TTC19: variants seen among roughly 807,000 people sequenced by gnomAD.
TTC19 encodes the protein tetratricopeptide repeat protein 19, mitochondrial.
TTC19 carries 38 observed loss-of-function variants against 49.5 expected under a neutral mutation model. The observed-to-expected ratio is 0.77, with a 90% confidence interval of 0.59 to 1.01. The LOEUF is 1.01. Ranked by LOEUF, TTC19 falls within the 50% of genes least tolerant of loss-of-function variation. The pLI is 0.00. For synonymous variants in TTC19, 204 were observed against 185.2 expected, an observed-to-expected ratio of 1.10 and a Z score of -0.83; for missense variants, 475 against 477.7, an observed-to-expected ratio of 0.99 and a Z score of 0.05.
At chr17:16,042,204 G>A (rs2057840683) in intron 2 of TTC19, among the ~76,000 whole-genome samples, 1 of 152,206 alleles carries the variant, frequency 6.6e-6, no homozygotes, top group Non-Finnish European at 1.5e-5. Context: ...AATGGCCATG[G>A]ATGACAGTCT....
intron 7 of TTC19, among the ~76,000 whole-genome samples, chr17:16,021,785 T>C (rs189445103): frequency 6.6e-6 from 1 of 152,356 alleles, no homozygotes; most frequent in African/African-American, 2.4e-5. Flanking sequence ...TACTGTCTGC[T>C]GATTCTCATT....
At chr17:16,011,272 C>T in intron 7 of TTC19, among the ~76,000 whole-genome samples, 1 of 152,190 alleles carries the variant, frequency 6.6e-6, no homozygotes, top group East Asian at 1.9e-4. Context: ...GCTCCACCTC[C>T]TGGGTTCAAG....
intron 2 of TTC19, chr17:16,041,258 A>C (rs2057510368): frequency 6.6e-6 from 1 of 152,250 alleles, no homozygotes; most frequent in Non-Finnish European, 1.5e-5. Context: ...CCTATAATAA[A>C]GCAGTGTGCC....
intron 2 of TTC19, chr17:16,040,282 G>C (rs1271210223): frequency 1.4e-6 from 1 of 710,096 alleles, no homozygotes; most frequent in Admixed American, 2.0e-5. Context: ...GTTCCTTTCT[G>C]TGCTACTGGG....
At chr17:16,026,227 A>G (rs1343438164) in intron 8 of TTC19, among the ~76,000 whole-genome samples, 2 of 152,214 alleles carry the variant, frequency 1.3e-5, no homozygotes, top group Non-Finnish European at 2.9e-5. Flanking sequence ...AAAGGAGATA[A>G]TATGTGTAGC....
downstream of TTC19, chr17:16,029,535 T>C: frequency 3.8e-6 from 1 of 262,300 alleles, no homozygotes; most frequent in East Asian, 9.7e-5. Context: ...AATACTTTTA[T>C]GAAGAGTATT....
chr17:16,044,497 C>G (rs1323493469), intron 2 of TTC19: 1 of 479,416 alleles, frequency 2.1e-6, no homozygotes, highest in Admixed American at 2.3e-5. Context: ...ATCGTCCTTT[C>G]CTCAGCTGCC....
At chr17:16,038,878 C>A (rs2056994248) in intron 2 of TTC19, among the ~76,000 whole-genome samples, 2 of 152,208 alleles carry the variant, frequency 1.3e-5, no homozygotes, top group Non-Finnish European at 2.9e-5. Flanking sequence ...TCAAGCAATT[C>A]TCCTGCCTCA....
intron 9 of TTC19, 109 bp from the exon 10 acceptor site, chr17:16,027,265 A>G (rs566810575): frequency 7.5e-7 from 1 of 1,326,588 alleles, no homozygotes; most frequent in Non-Finnish European, 1.1e-6. Flanking sequence ...TTGTCGCTTC[A>G]TAAGCACACA....
intron 7 of TTC19, among the ~76,000 whole-genome samples, chr17:16,018,105 G>A (rs9899002): frequency 0.43 from 65,369 of 151,950 alleles, 15,707 homozygotes; most frequent in Middle Eastern, 0.57. Flanking sequence ...AGACTTAGTG[G>A]AATTTATTGC....
At chr17:16,002,304 G>T (rs1014100796) in intron 3 of TTC19, among the ~76,000 whole-genome samples, 1 of 152,002 alleles carries the variant, frequency 6.6e-6, no homozygotes, top group Admixed American at 6.6e-5. Context: ...TCACCCTCCC[G>T]AGTAGCTGGA....
downstream of TTC19, among the ~76,000 whole-genome samples, chr17:16,033,939 G>T (rs774230036): frequency 3.3e-5 from 5 of 151,986 alleles, no homozygotes; most frequent in Non-Finnish European, 7.4e-5. Flanking sequence ...CAAGTGATCT[G>T]CCCGCCTCAG....
In TTC19 at chr17:16,024,944, A is replaced by G. The variant is rs560193933; in HGVS notation, c.677-73A>G. 52 of 1,406,714 alleles carry G rather than the reference A, an allele frequency of 3.7e-5. No homozygotes were observed. The African/African-American group carries it at 7.0e-4, about 19-fold the overall frequency. The allele number at this position is 1,406,714 out of a possible 1,614,324, so 87.1% of individuals were successfully genotyped here. On this transcript the variant is annotated intron_variant, in intron 7 of 9. Coordinates refer to ENST00000261647, the MANE Select transcript of TTC19 (RefSeq NM_017775.4). ...GTTCCCTAAGTGACATGTGGGTCCCATTCTGCTGACATATTTGTGGGTCCT... is the reference window on the plus strand; with the variant it reads ...GTTCCCTAAGTGACATGTGGGTCCCGTTCTGCTGACATATTTGTGGGTCCT...
chr17:16,014,901 G>T (rs1284991819), intron 7 of TTC19, among the ~76,000 whole-genome samples: 3 of 152,012 alleles, frequency 2.0e-5, no homozygotes, highest in African/African-American at 2.4e-5. Flanking sequence ...ATCCAATTTG[G>T]TACCAAGATA....
At position 16,001,978 on chromosome 17, in the gene TTC19, G is replaced by A. The variant is rs759404597; in HGVS notation, c.376G>A (p.Ala126Thr). The A allele has an allele frequency of 1.8e-5, 29 of 1,613,092 alleles. No individual in the cohort carries two copies. The highest frequency in any genetic ancestry group is 3.3e-4 in the Middle Eastern group (2 of 6,084). Residue 126 changes from alanine (A) to threonine (T), a missense_variant, in exon 3 of 10, where the codon GCC becomes ACC. Physicochemically the swap from Ala to Thr is moderately conservative, Grantham distance 58. Transcript: ENST00000261647. Reference sequence around the variant, plus strand: ...AATTTTGCATGACGCTCTTCGTCTCGCCTATCAGACTGATAACAAGAAGGC... The same window carrying A: ...AATTTTGCATGACGCTCTTCGTCTCACCTATCAGACTGATAACAAGAAGGC... ...ELILHDALRL[A>T]YQTDNKKAIT...
chr17:16,027,010 C>G (rs1971582880), intron 9 of TTC19: 3 of 521,074 alleles, frequency 5.8e-6, no homozygotes, highest in Non-Finnish European at 1.0e-5. Context: ...CAATGTGTTT[C>G]TCACAGTGTG....
intron 2 of TTC19, among the ~76,000 whole-genome samples, chr17:16,035,450 C>T (rs1190851392): frequency 1.3e-5 from 2 of 151,724 alleles, no homozygotes; most frequent in East Asian, 3.9e-4. Flanking sequence ...TAAGAAGCAA[C>T]TCCTCATCCA....
At chr17:16,041,521 C>T (rs1199931254) in intron 2 of TTC19, among the ~76,000 whole-genome samples, 2 of 145,030 alleles carry the variant, frequency 1.4e-5, no homozygotes, top group African/African-American at 2.5e-5. Flanking sequence ...TCAAGCAGTT[C>T]TCCTGCCTCA....
chr17:16,017,944 A>G (rs752548557), intron 7 of TTC19, among the ~76,000 whole-genome samples: 4 of 152,206 alleles, frequency 2.6e-5, no homozygotes, highest in Admixed American at 1.3e-4. Context: ...TTTCAGTTGT[A>G]TAAGGAGTAA....
Sources: gnomAD v4.1 joint callset for allele counts (sites outside exome capture counted in the v4.1 genomes callset) on GRCh38, gnomAD v4.1.1 for gene constraint, MANE v1.5 for transcripts, NCBI Gene and HGNC (gene_info 2026-07-23, HGNC 2026-07-21) for gene names.